The following LPAR1 variants were observed in gnomAD, a reference collection of about 807,000 sequenced individuals.
LPAR1 encodes the protein LPA receptor 1.
In LPAR1, 5 loss-of-function variants were observed where a neutral mutation model predicts 23.8. That is an observed-to-expected ratio of 0.21 (90% CI 0.11 to 0.44). The LOEUF is 0.44. LPAR1 is among the 20% of genes least tolerant of loss of function. The probability of loss-of-function intolerance (pLI) is 0.99; values close to 1 mark genes in which losing one functional copy is unlikely to be tolerated. For synonymous variants in LPAR1, 160 were observed against 164.7 expected (o/e 0.97, Z 0.22); for missense variants, 311 against 482.8 (o/e 0.64, Z 3.33).
intron 5 of LPAR1, among the ~76,000 whole-genome samples, chr9:110,912,900 C>G (rs1027604695): frequency 4.3e-4 from 66 of 152,150 alleles, no homozygotes; most frequent in African/African-American, 1.6e-3. Flanking sequence ...CTGACCTTAG[C>G]TAAACAGAGC....
At chr9:110,885,333 A>T (rs1457111671) in intron 5 of LPAR1, among the ~76,000 whole-genome samples, 1 of 152,178 alleles carries the variant, frequency 6.6e-6, no homozygotes, top group Non-Finnish European at 1.5e-5. Flanking sequence ...TCTTAATTTG[A>T]GAAGACAGTA....
chr9:110,960,587 T>G (rs943738067), intron 4 of LPAR1, among the ~76,000 whole-genome samples: 2 of 152,178 alleles, frequency 1.3e-5, no homozygotes, highest in Admixed American at 6.5e-5. Flanking sequence ...AGCTGGGTAA[T>G]GGCTATGTTA....
At chr9:110,908,906 T>C (rs1022788317) in intron 5 of LPAR1, among the ~76,000 whole-genome samples, 2 of 152,222 alleles carry the variant, frequency 1.3e-5, no homozygotes, top group African/African-American at 4.8e-5. Flanking sequence ...GACTGTTCTT[T>C]TGGATAAACA....
intron 2 of LPAR1, among the ~76,000 whole-genome samples, chr9:110,993,375 GT>G (rs1348933210): frequency 1.3e-5 from 2 of 152,148 alleles, no homozygotes; most frequent in African/African-American, 4.8e-5. Flanking sequence ...TTATGGAATA[GT>G]TTTTAAGTTT....
chr9:110,991,640 C>A (rs1383972816), intron 2 of LPAR1, among the ~76,000 whole-genome samples: 1 of 151,938 alleles, frequency 6.6e-6, no homozygotes, highest in African/African-American at 2.4e-5. Context: ...GACAGTTTCA[C>A]TCTTGTTGCC....
intron 5 of LPAR1, among the ~76,000 whole-genome samples, chr9:110,911,817 G>A (rs2092475581): frequency 6.6e-6 from 1 of 152,110 alleles, no homozygotes; most frequent in Non-Finnish European, 1.5e-5. Flanking sequence ...TGCAATATTT[G>A]CTCTATTGCA....
At chr9:110,906,844 T>C (rs2091351482) in intron 5 of LPAR1, among the ~76,000 whole-genome samples, 1 of 152,130 alleles carries the variant, frequency 6.6e-6, no homozygotes, top group Non-Finnish European at 1.5e-5. Flanking sequence ...CCAAAGTTTC[T>C]ATGGAGTGAC....
At chr9:110,924,364 T>C (rs2093853367) in intron 5 of LPAR1, among the ~76,000 whole-genome samples, 1 of 152,080 alleles carries the variant, frequency 6.6e-6, no homozygotes, top group Admixed American at 6.5e-5. Flanking sequence ...CTCAAGACAA[T>C]CTTTTAAAGA....
chr9:110,918,724 T>C (rs2093394248), intron 5 of LPAR1, among the ~76,000 whole-genome samples: 1 of 152,194 alleles, frequency 6.6e-6, no homozygotes, highest in Admixed American at 6.5e-5. Context: ...TAAAGAAAAC[T>C]TCAAAAAGAA....
chr9:110,962,219 T>C (rs1186815139), intron 4 of LPAR1, among the ~76,000 whole-genome samples: 1 of 152,162 alleles, frequency 6.6e-6, no homozygotes. Flanking sequence ...CATTCCTAAG[T>C]TCCCATCAGT....
intron 2 of LPAR1, among the ~76,000 whole-genome samples, chr9:111,035,775 A>G (rs1240773674): frequency 6.6e-6 from 1 of 152,202 alleles, no homozygotes; most frequent in African/African-American, 2.4e-5. Context: ...CTTGACCTCA[A>G]ACTAAATTCT....
intron 5 of LPAR1, among the ~76,000 whole-genome samples, chr9:110,910,572 T>G: frequency 6.6e-6 from 1 of 152,188 alleles, no homozygotes. Context: ...TAAGTATATT[T>G]TGTAAAGCTA....
intron 4 of LPAR1, among the ~76,000 whole-genome samples, chr9:110,961,963 G>A (rs916431198): frequency 1.3e-5 from 2 of 152,124 alleles, no homozygotes; most frequent in African/African-American, 2.4e-5. Context: ...GTATATTTGT[G>A]ATACATCATT....
Position 110,941,632 on chromosome 9 carries a change from A to G in LPAR1, c.582T>C (p.Asn194=), listed in dbSNP as rs2095113716. 1 of 1,614,024 alleles carries G rather than the reference A, an allele frequency of 6.2e-7. No homozygotes were observed. The highest frequency in any genetic ancestry group is 1.3e-5 in the African/African-American group (1 of 74,924). Residue 194 remains asparagine, a synonymous_variant, in exon 5 of 6, where the codon AAT becomes AAC. Transcript: ENST00000683809. This position sits in a 1 kb window ranked among gnomAD's most constrained non-coding sequence, Gnocchi z 6.1. ...TGTAGAGGGGTGCCATGTTGGAACAATTTTCAATATCACAGATACAGTTCC... is the reference window on the plus strand; with the variant it reads ...TGTAGAGGGGTGCCATGTTGGAACAGTTTTCAATATCACAGATACAGTTCC... The part of the protein sequence containing the change: ...VGWNCICDIE[N]CSNMAPLYSD...
intron 2 of LPAR1, among the ~76,000 whole-genome samples, chr9:111,027,342 A>G (rs916643624): frequency 2.0e-5 from 3 of 152,210 alleles, no homozygotes; most frequent in Non-Finnish European, 2.9e-5. Flanking sequence ...ATAAATAAAT[A>G]AATAAATAAA....
chr9:110,969,939 G>C (rs117065075), intron 4 of LPAR1, among the ~76,000 whole-genome samples: 32 of 152,272 alleles, frequency 2.1e-4, no homozygotes, highest in Admixed American at 5.2e-4. Flanking sequence ...GGCATGTGCA[G>C]AAGTGTATAA....
intron 5 of LPAR1, among the ~76,000 whole-genome samples, chr9:110,928,995 C>T (rs1440167710): frequency 6.6e-6 from 1 of 152,198 alleles, no homozygotes; most frequent in Non-Finnish European, 1.5e-5. Context: ...TTAGAATGAA[C>T]TCATGGAAAA....
chr9:111,013,449 A>AT (rs1450034846), intron 2 of LPAR1, among the ~76,000 whole-genome samples: 1 of 152,208 alleles, frequency 6.6e-6, no homozygotes, highest in Non-Finnish European at 1.5e-5. Context: ...ATTGCCCATT[A>AT]TAAGCCTCAG....
chr9:110,927,524 A>G (rs950553355), intron 5 of LPAR1, among the ~76,000 whole-genome samples: 2 of 152,116 alleles, frequency 1.3e-5, no homozygotes, highest in African/African-American at 4.8e-5. Flanking sequence ...TCTTTTTAGA[A>G]ACTCTCAGAA....
Sources: allele counts gnomAD v4.1 joint callset (sites outside exome capture counted in the v4.1 genomes callset), GRCh38; gene constraint gnomAD v4.1.1; non-coding constraint Gnocchi (gnomAD v3.1); transcripts MANE v1.5; gene names NCBI Gene and HGNC (gene_info 2026-07-23, HGNC 2026-07-21).